Variants in DTNB observed in about 807,000 individuals in gnomAD.
DTNB encodes the protein DTN-B.
In DTNB, 63 loss-of-function variants were observed where a neutral mutation model predicts 90.7. That is an observed-to-expected ratio of 0.69 (90% CI 0.57 to 0.86). The LOEUF is 0.86. DTNB is among the 40% of genes least tolerant of loss of function. The pLI, the probability that DTNB is intolerant of heterozygous loss-of-function variation, is 0.00. For missense variants in DTNB, 744 were observed against 807.1 expected (o/e 0.92, Z 0.95); for synonymous variants, 277 against 286.7 (o/e 0.97, Z 0.34).
At chr2:25,550,421 C>A (rs1049877578) in intron 8 of DTNB, among the ~76,000 whole-genome samples, 23 of 150,394 alleles carry the variant, frequency 1.5e-4, no homozygotes, top group African/African-American at 2.4e-4. Context: ...AACAAACAAA[C>A]AAAAAAAAAC....
intron 9 of DTNB, among the ~76,000 whole-genome samples, chr2:25,486,527 G>A (rs898388596): frequency 6.6e-6 from 1 of 151,992 alleles, no homozygotes; most frequent in Admixed American, 6.6e-5. Context: ...TAGCTACTCA[G>A]GAGGCAGAGG....
intron 8 of DTNB, among the ~76,000 whole-genome samples, chr2:25,548,165 G>A (rs2082837739): frequency 6.6e-6 from 1 of 151,898 alleles, no homozygotes; most frequent in Non-Finnish European, 1.5e-5. Context: ...TTCTACTTCA[G>A]ATTTATCAGT....
At chr2:25,661,880 C>T (rs1261313130) in intron 1 of DTNB, among the ~76,000 whole-genome samples, 3 of 152,008 alleles carry the variant, frequency 2.0e-5, no homozygotes, top group Admixed American at 6.6e-5. Flanking sequence ...ATAGGCCAGG[C>T]GCAGTGGCTC....
chr2:25,378,790 C>T (rs146853403), intron 20 of DTNB, among the ~76,000 whole-genome samples: 43 of 152,300 alleles, frequency 2.8e-4, no homozygotes, highest in African/African-American at 7.0e-4. Context: ...CCATGGGAAG[C>T]GGCTTGGTCA....
chr2:25,442,339 G>A (rs561914000), intron 12 of DTNB, among the ~76,000 whole-genome samples: 5 of 152,292 alleles, frequency 3.3e-5, no homozygotes, highest in African/African-American at 9.6e-5. Context: ...GTCCAGAAAC[G>A]TTTCTCTTGG....
chr2:25,528,191 G>T (rs1183908752), intron 9 of DTNB, among the ~76,000 whole-genome samples: 1 of 152,220 alleles, frequency 6.6e-6, no homozygotes, highest in Non-Finnish European at 1.5e-5. Context: ...AAAACTCTTT[G>T]ATAAAATTCA....
At chr2:25,579,196 C>G (rs949788838) in intron 7 of DTNB, among the ~76,000 whole-genome samples, 3 of 152,142 alleles carry the variant, frequency 2.0e-5, no homozygotes, top group South Asian at 2.1e-4. Context: ...TACTAAAACA[C>G]TTAAGGCTAT....
chr2:25,495,125 G>C (rs1575096228), intron 9 of DTNB, among the ~76,000 whole-genome samples: 1 of 151,970 alleles, frequency 6.6e-6, no homozygotes, highest in African/African-American at 2.4e-5. Flanking sequence ...GAGTGCAGCG[G>C]TGCAATCTTG....
chr2:25,671,165 T>C (rs1423462900), intron 1 of DTNB, among the ~76,000 whole-genome samples: 1 of 152,144 alleles, frequency 6.6e-6, no homozygotes, highest in Non-Finnish European at 1.5e-5. Context: ...AGTTAAAACT[T>C]TATCATAGAT....
intron 15 of DTNB, among the ~76,000 whole-genome samples, chr2:25,425,226 G>A (rs544663718): frequency 2.6e-5 from 4 of 152,140 alleles, no homozygotes; most frequent in Non-Finnish European, 5.9e-5. Flanking sequence ...CAGGGTTAAT[G>A]TAGAAACATA....
rs192591032 is a variant in DTNB at position 25,517,629 on chromosome 2, G to A, written c.1001+13844C>T. ...GTAAAAAACAATATGAGGGTTCCTC[G>A]AATCCTCAAACAATTAAAAATTGAA... On this transcript the variant is annotated intron_variant, in intron 9 of 20. Coordinates refer to ENST00000406818, the MANE Select transcript of DTNB (RefSeq NM_021907.5). 3.3e-3 allele frequency among the ~76,000 whole-genome samples: 498 copies of A among 152,144 alleles called. 1 individual carries two copies. The highest frequency in any genetic ancestry group is 5.4e-3 in the Admixed American group (83 of 15,278).
chr2:25,514,765 C>A (rs2074720492), intron 9 of DTNB, among the ~76,000 whole-genome samples: 1 of 142,704 alleles, frequency 7.0e-6, no homozygotes, highest in Non-Finnish European at 1.5e-5. Context: ...GCTACTGAAA[C>A]CTCCACCTCC....
Position 25,531,463 on chromosome 2 carries a change from G to T in DTNB, c.1001+10C>A. ...GTGTGATCCACATGCACATCCAGGGGTATACTTACACTATATGTGCAAGGT... is the reference window on the plus strand; with the variant it reads ...GTGTGATCCACATGCACATCCAGGGTTATACTTACACTATATGTGCAAGGT... On this transcript the variant is annotated intron_variant, in intron 9 of 20. Coordinates refer to ENST00000406818, the MANE Select transcript of DTNB (RefSeq NM_021907.5). The T allele has an allele frequency of 6.2e-7, 1 of 1,610,656 alleles. No homozygotes were observed. Among genetic ancestry groups the T allele is most frequent in the Non-Finnish European group, 8.5e-7 (1 of 1,178,966 alleles).
intron 1 of DTNB, among the ~76,000 whole-genome samples, chr2:25,661,284 C>T (rs1424543755): frequency 2.6e-5 from 4 of 152,134 alleles, no homozygotes; most frequent in African/African-American, 7.2e-5. Context: ...GAAAAGAGAT[C>T]GGCAATGCTT....
chr2:25,409,967 T>A (rs2046185309), intron 16 of DTNB, among the ~76,000 whole-genome samples: 1 of 152,288 alleles, frequency 6.6e-6, no homozygotes, highest in South Asian at 2.1e-4. Context: ...CAGATCAAAG[T>A]CCCCTCCTAA....
intron 6 of DTNB, among the ~76,000 whole-genome samples, chr2:25,584,143 G>C (rs959649547): frequency 1.2e-4 from 18 of 152,156 alleles, no homozygotes; most frequent in Non-Finnish European, 2.9e-5. Context: ...GAGTTTCACG[G>C]AGCTTTGGAA....
chr2:25,558,591 T>C (rs2057746046), intron 8 of DTNB, among the ~76,000 whole-genome samples: 1 of 152,254 alleles, frequency 6.6e-6, no homozygotes, highest in African/African-American at 2.4e-5. Flanking sequence ...AAATGCCTTA[T>C]TGTTTCATAA....
chr2:25,543,174 T>C (rs2081652742), intron 8 of DTNB, among the ~76,000 whole-genome samples: 1 of 152,214 alleles, frequency 6.6e-6, no homozygotes, highest in South Asian at 2.1e-4. Flanking sequence ...AAGACTAATA[T>C]ACTTTCAACA....
At chr2:25,625,976 C>T (rs935075695) in intron 4 of DTNB, among the ~76,000 whole-genome samples, 7 of 152,040 alleles carry the variant, frequency 4.6e-5, no homozygotes, top group Admixed American at 2.0e-4. Flanking sequence ...AAAAAGGTGC[C>T]GTCTAGGAGC....
Sources: allele counts gnomAD v4.1 joint callset (sites outside exome capture counted in the v4.1 genomes callset), GRCh38; gene constraint gnomAD v4.1.1; transcripts MANE v1.5; gene names NCBI Gene and HGNC (gene_info 2026-07-23, HGNC 2026-07-21).